TMEM30A: variants seen among roughly 807,000 people sequenced by gnomAD.
TMEM30A encodes the protein cell division cycle 50 P4-ATPase accessory subunit A, also known as cell cycle control protein 50A.
Under a neutral mutation model 38.2 loss-of-function variants are expected in TMEM30A, and 24 were observed. The observed-to-expected ratio is 0.63, with a 90% CI of 0.46 to 0.88. TMEM30A has a LOEUF of 0.88. Ranked by LOEUF, TMEM30A falls within the 40% of genes least tolerant of loss-of-function variation. The probability of loss-of-function intolerance (pLI) is 0.00; values close to 1 mark genes in which losing one functional copy is unlikely to be tolerated. For synonymous variants in TMEM30A, 145 were observed against 161.6 expected, an observed-to-expected ratio of 0.90 and a Z score of 0.78; for missense variants, 370 against 458.6, an observed-to-expected ratio of 0.81 and a Z score of 1.77.
rs574435369 is a variant in TMEM30A at position 75,265,342 on chromosome 6, G to C, written c.346-4C>G. ...CATAATACATAAACACGTTGCCCTA[G>C]AGAAACAGAGAGGGAAAAAATTTTC... On this transcript the variant is annotated splice_region_variant and splice_polypyrimidine_tract_variant and intron_variant, in intron 2 of 6. Coordinates refer to ENST00000230461, the MANE Select transcript of TMEM30A (RefSeq NM_018247.4). 1 of 1,547,624 alleles carries C rather than the reference G, an allele frequency of 6.5e-7. No individual in the cohort carries two copies. The highest frequency in any genetic ancestry group is 8.8e-7 in the Non-Finnish European group (1 of 1,140,856).
chr6:75,274,992 C>T (rs950307756), intron 1 of TMEM30A, among the ~76,000 whole-genome samples: 5 of 134,238 alleles, frequency 3.7e-5, no homozygotes, highest in Non-Finnish European at 7.8e-5. Context: ...GCCTGGGTGA[C>T]AGATCGAGAC....
chr6:75,279,655 C>G (rs1433546321), intron 1 of TMEM30A, among the ~76,000 whole-genome samples: 3 of 152,206 alleles, frequency 2.0e-5, no homozygotes, highest in African/African-American at 7.2e-5. Context: ...GGAGATATCA[C>G]ATTCTCAGCT....
At chr6:75,278,604 G>A (rs574057315) in intron 1 of TMEM30A, among the ~76,000 whole-genome samples, 1 of 152,262 alleles carries the variant, frequency 6.6e-6, no homozygotes, top group East Asian at 1.9e-4. Context: ...ATTAGATCAA[G>A]TGAAGACTCA....
chr6:75,263,421 G>A (rs1256943353), intron 3 of TMEM30A, among the ~76,000 whole-genome samples: 1 of 152,196 alleles, frequency 6.6e-6, no homozygotes, highest in African/African-American at 2.4e-5. Flanking sequence ...TATGAGAATG[G>A]CCTGGAAAGG....
At position 75,267,732 on chromosome 6, in the gene TMEM30A, G is replaced by C. The variant is rs1484411958; in HGVS notation, c.254C>G (p.Thr85Arg). ...IREIEIDYTG[T>R]EPSSPCNKCL... ...TTTATTACAGGGACTGGAAGGCTCT[G>C]TTCCGGTATAATCAATCTGCAAGAG... Residue 85 changes from threonine (T) to arginine (R), a missense_variant, in exon 2 of 7, where the codon ACA becomes AGA. By Grantham distance (71) the Thr-to-Arg change is moderately conservative. Transcript: ENST00000230461. 2 of 1,602,948 alleles carry C rather than the reference G, an allele frequency of 1.2e-6. No homozygotes were observed. Among genetic ancestry groups the C allele is most frequent in the African/African-American group, 2.7e-5 (2 of 74,680 alleles).
At chr6:75,259,552 A>C (rs1771930024) in intron 4 of TMEM30A, 62 bp from the exon 5 acceptor site, 1 of 1,413,952 alleles carries the variant, frequency 7.1e-7, no homozygotes, top group South Asian at 1.5e-5. Flanking sequence ...CATCTGCTTA[A>C]CTCTATGAGA....
At chr6:75,279,800 G>A (rs567797206) in intron 1 of TMEM30A, among the ~76,000 whole-genome samples, 15 of 152,184 alleles carry the variant, frequency 9.9e-5, no homozygotes, top group African/African-American at 3.1e-4. Flanking sequence ...TGAAAGATGC[G>A]CATTTTTTAC....
intron 1 of TMEM30A, among the ~76,000 whole-genome samples, chr6:75,282,635 C>A (rs1314297967): frequency 1.3e-5 from 2 of 152,054 alleles, no homozygotes; most frequent in South Asian, 4.2e-4. Context: ...AATCAAGACA[C>A]CTGAGTTTCT....
chr6:75,270,429 G>A (rs926532745), intron 1 of TMEM30A, among the ~76,000 whole-genome samples: 2 of 152,172 alleles, frequency 1.3e-5, no homozygotes, highest in African/African-American at 2.4e-5. Context: ...GCCTTTGGGA[G>A]GTAATCAGAT....
chr6:75,267,904 G>A (rs1772096330), intron 1 of TMEM30A, among the ~76,000 whole-genome samples, 156 bp from the exon 2 acceptor site: 1 of 152,144 alleles, frequency 6.6e-6, no homozygotes, highest in Non-Finnish European at 1.5e-5. Flanking sequence ...GACAGTGTGA[G>A]GTAGTAAAAA....
intron 1 of TMEM30A, among the ~76,000 whole-genome samples, chr6:75,273,865 A>G (rs1375898673): frequency 6.6e-6 from 1 of 152,184 alleles, no homozygotes; most frequent in Admixed American, 6.5e-5. Context: ...AACTCTCAAC[A>G]AACTGTGTTA....
At chr6:75,268,554 G>T (rs1029769832) in intron 1 of TMEM30A, among the ~76,000 whole-genome samples, 6 of 152,172 alleles carry the variant, frequency 3.9e-5, no homozygotes, top group African/African-American at 1.2e-4. Flanking sequence ...GTGCTGGGAG[G>T]GTAATGTGCT....
At chr6:75,267,174 G>C (rs938701424) in intron 2 of TMEM30A, among the ~76,000 whole-genome samples, 9 of 152,064 alleles carry the variant, frequency 5.9e-5, no homozygotes, top group African/African-American at 2.2e-4. Context: ...AAACATAAAT[G>C]ATCAGTAAGG....
chr6:75,270,109 T>C (rs558241471), intron 1 of TMEM30A, among the ~76,000 whole-genome samples: 2 of 152,318 alleles, frequency 1.3e-5, no homozygotes, highest in Admixed American at 6.5e-5. Flanking sequence ...CAGCTGAGTA[T>C]GTTTACTTTT....
intron 1 of TMEM30A, among the ~76,000 whole-genome samples, chr6:75,274,155 A>T (rs1434380665): frequency 6.6e-6 from 1 of 152,244 alleles, no homozygotes; most frequent in Non-Finnish European, 1.5e-5. Context: ...CCATGTTAAT[A>T]GGAACTGCAT....
intron 1 of TMEM30A, among the ~76,000 whole-genome samples, chr6:75,283,653 TA>T (rs77411428): frequency 0.025 from 3,450 of 135,380 alleles, 96 homozygotes; most frequent in East Asian, 0.1. Flanking sequence ...GCTCTTTTTG[TA>T]AAAAAAAAAA....
Position 75,252,940 on chromosome 6 carries a change from A to G in TMEM30A, c.*3162T>C, listed in dbSNP as rs576272757. 86 of 152,234 alleles carry G rather than the reference A, an allele frequency of 5.6e-4. 1 individual carries two copies. Among genetic ancestry groups the G allele is most frequent in the African/African-American group, 1.9e-3 (77 of 41,522 alleles). 9.4% of individuals were successfully genotyped at this position (152,234 alleles called of 1,614,324 possible). ...ACGGTCTGATTTGTTTTTAGACAAG[A>G]TATTTATTTTGAAGTTCCAAATGAC... On this transcript the variant is annotated 3_prime_UTR_variant, in exon 7 of 7. Coordinates refer to ENST00000230461, the MANE Select transcript of TMEM30A (RefSeq NM_018247.4).
Position 75,284,382 on chromosome 6 carries a change from C to T in TMEM30A, c.237+20G>A. 6.2e-7 allele frequency: 1 copy of T among 1,612,086 alleles called. No individual in the cohort carries two copies. The highest frequency in any genetic ancestry group is 8.5e-7 in the Non-Finnish European group (1 of 1,178,252). On this transcript the variant is annotated intron_variant, in intron 1 of 6. Transcript: ENST00000230461. ...TCCTCCCGAGCAACGCCAACTCCCA[C>T]CACAGCTCCCTCCCCTCACCTCGAT...
intron 6 of TMEM30A, among the ~76,000 whole-genome samples, chr6:75,257,579 T>C (rs1271063179): frequency 6.6e-6 from 1 of 152,144 alleles, no homozygotes; most frequent in Non-Finnish European, 1.5e-5. Flanking sequence ...AGTTTGACTA[T>C]CCCCTCAGGA....
Sources: gnomAD v4.1 joint callset for allele counts (sites outside exome capture counted in the v4.1 genomes callset) on GRCh38, gnomAD v4.1.1 for gene constraint, MANE v1.5 for transcripts, NCBI Gene and HGNC (gene_info 2026-07-23, HGNC 2026-07-21) for gene names.